Variants in SPATA31H1 observed in about 807,000 individuals in gnomAD.
The protein encoded by SPATA31H1 is SPATA31 subfamily H member 1, also known as spermatogenesis-associated protein 31H1.
At chr2:27,564,098 C>A in the SPATA31H1 span, among the ~76,000 whole-genome samples, 3 of 152,192 alleles carry the variant, frequency 2.0e-5, no homozygotes, top group African/African-American at 7.2e-5. Context: ...CAGGTTCACT[C>A]CACTTTGATT....
chr2:27,581,520 T>A, the SPATA31H1 span: 40 of 1,609,186 alleles, frequency 2.5e-5, no homozygotes, highest in Non-Finnish European at 3.4e-5. Flanking sequence ...TCACAGTCCC[T>A]CAGAGAGAAG....
the SPATA31H1 span, among the ~76,000 whole-genome samples, chr2:27,540,443 G>C: frequency 1.6e-5 from 2 of 125,638 alleles, no homozygotes; most frequent in Admixed American, 1.5e-4. Context: ...GCCGGGCAGA[G>C]GGGCTCCTCA....
At chr2:27,580,273 G>A in the SPATA31H1 span, 10 of 1,614,028 alleles carry the variant, frequency 6.2e-6, no homozygotes, top group African/African-American at 4.0e-5. Flanking sequence ...TACATCAGGC[G>A]AGGACAACGC....
the SPATA31H1 span, among the ~76,000 whole-genome samples, chr2:27,554,721 G>A: frequency 2.2e-4 from 34 of 151,996 alleles, no homozygotes; most frequent in East Asian, 9.6e-4. Context: ...TTACAGGCAT[G>A]TGCCATCATG....
the SPATA31H1 span, among the ~76,000 whole-genome samples, chr2:27,538,488 G>A: frequency 6.6e-6 from 1 of 152,130 alleles, no homozygotes; most frequent in Admixed American, 6.6e-5. Context: ...CCATTTTCAT[G>A]GTTTAGTGGG....
the SPATA31H1 span, chr2:27,571,945 C>A: frequency 7.5e-6 from 3 of 398,310 alleles, no homozygotes; most frequent in Admixed American, 4.4e-5. Context: ...ACCCTTGAGC[C>A]TGAACAGGAT....
At chr2:27,545,557 C>T in the SPATA31H1 span, among the ~76,000 whole-genome samples, 4,032 of 149,550 alleles carry the variant, frequency 0.027, 222 homozygotes, top group African/African-American at 0.095. Context: ...CAACACTTGG[C>T]ATTGTCCATC....
the SPATA31H1 span, chr2:27,566,786 C>T: frequency 1.3e-5 from 9 of 716,952 alleles, no homozygotes; most frequent in Non-Finnish European, 2.3e-5. Context: ...TGATTTCTTC[C>T]TCTACCACCT....
At chr2:27,550,521 C>T in the SPATA31H1 span, among the ~76,000 whole-genome samples, 1 of 147,724 alleles carries the variant, frequency 6.8e-6, no homozygotes, top group Non-Finnish European at 1.5e-5. Context: ...TGGGTTCAAG[C>T]GATTCTTGTG....
At chr2:27,546,699 AT>A in the SPATA31H1 span, among the ~76,000 whole-genome samples, 2 of 151,898 alleles carry the variant, frequency 1.3e-5, no homozygotes, top group East Asian at 1.9e-4. Context: ...CACCTGGCTA[AT>A]TTTTGTGTTT....
chr2:27,552,061 G>A, the SPATA31H1 span, among the ~76,000 whole-genome samples: 3 of 151,908 alleles, frequency 2.0e-5, no homozygotes, highest in Admixed American at 6.6e-5. Flanking sequence ...TGATCCACCC[G>A]CCTTGGCCTC....
At chr2:27,553,856 A>G in the SPATA31H1 span, among the ~76,000 whole-genome samples, 1 of 152,006 alleles carries the variant, frequency 6.6e-6, no homozygotes, top group Non-Finnish European at 1.5e-5. Context: ...CGGGAGGCGG[A>G]GGTTGCAGTG....
the SPATA31H1 span, among the ~76,000 whole-genome samples, chr2:27,542,992 G>A: frequency 6.6e-6 from 1 of 151,868 alleles, no homozygotes; most frequent in Non-Finnish European, 1.5e-5. Context: ...TACTCCAGAG[G>A]CTCCCAGGCT....
At chr2:27,550,201 A>G in the SPATA31H1 span, among the ~76,000 whole-genome samples, 1 of 149,398 alleles carries the variant, frequency 6.7e-6, no homozygotes, top group African/African-American at 2.5e-5. Context: ...ACAATGTTCA[A>G]TAGAGATGGT....
At chr2:27,541,629 G>A in the SPATA31H1 span, among the ~76,000 whole-genome samples, 4 of 152,118 alleles carry the variant, frequency 2.6e-5, no homozygotes, top group Non-Finnish European at 4.4e-5. Flanking sequence ...CATTACACAT[G>A]AAAAGTTGTG....
the SPATA31H1 span, chr2:27,579,253 T>C: frequency 6.2e-7 from 1 of 1,614,136 alleles, no homozygotes; most frequent in Non-Finnish European, 8.5e-7. Flanking sequence ...ACTATGCTAA[T>C]GCTGGGGAAT....
chr2:27,556,685 G>A, the SPATA31H1 span, among the ~76,000 whole-genome samples: 4 of 100,658 alleles, frequency 4.0e-5, no homozygotes, highest in African/African-American at 1.7e-4. Context: ...ATATATAAAG[G>A]GCATATATTT....
chr2:27,566,952 A>C, the SPATA31H1 span: 1 of 717,550 alleles, frequency 1.4e-6, no homozygotes, highest in Non-Finnish European at 2.6e-6. Flanking sequence ...GGAATTCCGG[A>C]GCCATAGTTT....
chr2:27,581,244 C>T, the SPATA31H1 span: 28 of 1,614,100 alleles, frequency 1.7e-5, no homozygotes, highest in South Asian at 5.5e-5. Flanking sequence ...TGAGAGAACC[C>T]GTCATAACCC....
Sources: gnomAD v4.1 joint callset for allele counts (sites outside exome capture counted in the v4.1 genomes callset) on GRCh38, gnomAD v4.1.1 for gene constraint, MANE v1.5 for transcripts, NCBI Gene and HGNC (gene_info 2026-07-23, HGNC 2026-07-21) for gene names.